The following CFAP57 variants were observed in gnomAD, a reference collection of about 807,000 sequenced individuals.
The protein encoded by CFAP57 is cilia and flagella associated protein 57.
CFAP57 carries 116 observed loss-of-function variants against 146.8 expected under a neutral mutation model. That is an observed-to-expected ratio of 0.79 (90% CI 0.68 to 0.92). The LOEUF (loss-of-function observed/expected upper bound fraction) is 0.92, where lower values mean the gene tolerates loss of function less well. Among genes scored for constraint, CFAP57 ranks in the 40% least tolerant of loss-of-function variants. CFAP57 has a pLI of 0.00. For missense variants in CFAP57, 1,377 were observed against 1,527.2 expected (o/e 0.90, Z 1.64); for synonymous variants, 518 against 552.8 (o/e 0.94, Z 0.88).
chr1:43,212,233 C>G (rs1371440097), intron 11 of CFAP57, among the ~76,000 whole-genome samples: 2 of 152,212 alleles, frequency 1.3e-5, no homozygotes, highest in Non-Finnish European at 2.9e-5. Flanking sequence ...TACAATCACA[C>G]TATAGAACCG....
At chr1:43,216,227 G>A (rs1644827174) in intron 12 of CFAP57, among the ~76,000 whole-genome samples, 1 of 152,196 alleles carries the variant, frequency 6.6e-6, no homozygotes, top group Non-Finnish European at 1.5e-5. Flanking sequence ...TGGGCCCTGT[G>A]ACATGACCAG....
chr1:43,221,710 TA>T (rs370115846), intron 14 of CFAP57, among the ~76,000 whole-genome samples: 10 of 152,324 alleles, frequency 6.6e-5, no homozygotes, highest in African/African-American at 2.4e-4. Flanking sequence ...TGGAACCTGA[TA>T]GTCTTGCCTT....
intron 22 of CFAP57, among the ~76,000 whole-genome samples, chr1:43,248,673 T>C (rs969423204): frequency 5.3e-5 from 8 of 152,130 alleles, no homozygotes; most frequent in Non-Finnish European, 7.3e-5. Flanking sequence ...ACTTCTAAAT[T>C]AGACAAAATT....
At position 43,183,792 on chromosome 1, in the gene CFAP57, G is replaced by A; in HGVS notation, c.676G>A (p.Gly226Arg). Residue 226 changes from glycine to arginine, a missense_variant, in exon 4 of 23, where the codon GGA becomes AGA. Transcript: ENST00000372492. ...DTGKLFLFES[G>R]DQRWETSIMV... ...AGGCAAACTCTTCCTCTTTGAATCT[G>A]GAGATCAGCGTTGGGAGACCAGCAT... 1 of 1,614,206 alleles carries A rather than the reference G, an allele frequency of 6.2e-7. No individual in the cohort carries two copies. The highest frequency in any genetic ancestry group is 8.5e-7 in the Non-Finnish European group (1 of 1,180,028).
intron 18 of CFAP57, among the ~76,000 whole-genome samples, chr1:43,227,741 G>A (rs897226193): frequency 2.6e-5 from 4 of 151,964 alleles, no homozygotes; most frequent in Admixed American, 1.3e-4. Flanking sequence ...TCCCTGCAAC[G>A]TGTGTTGCCC....
chr1:43,190,094 A>G (rs982741152), intron 6 of CFAP57, among the ~76,000 whole-genome samples: 2 of 152,170 alleles, frequency 1.3e-5, no homozygotes, highest in Non-Finnish European at 2.9e-5. Flanking sequence ...ATATAAGATC[A>G]TGACATCTGC....
rs544704345 is a variant in CFAP57 at position 43,192,585 on chromosome 1, T to C, written c.1123-4968T>C. Among the ~76,000 whole-genome samples, 40 of 150,810 alleles carry C rather than the reference T, an allele frequency of 2.7e-4. No homozygotes were observed. In the East Asian group the frequency reaches 5.9e-3, roughly 22 times the overall value. On this transcript the variant is annotated intron_variant, in intron 6 of 22. Coordinates refer to ENST00000372492, the MANE Select transcript of CFAP57 (RefSeq NM_001378189.1). ...TTGTGGTGAGCCAAGATTGTGCCAT[T>C]GCACTCCAGCCTGGGCAATAAGAGT... is the stretch of plus-strand genomic sequence containing the variant.
intron 19 of CFAP57, 63 bp downstream of exon 19, chr1:43,232,687 C>A (rs1645522259): frequency 5.6e-6 from 7 of 1,254,184 alleles, no homozygotes; most frequent in Admixed American, 2.5e-5. Context: ...CTGCAATGGG[C>A]AGCTGGCTTC....
chr1:43,244,195 T>C (rs558031402), intron 22 of CFAP57, among the ~76,000 whole-genome samples: 104 of 152,352 alleles, frequency 6.8e-4, no homozygotes, highest in African/African-American at 2.3e-3. Flanking sequence ...GGCATCTCTA[T>C]GGCAAATTAA....
rs997044692 is a variant in CFAP57 at position 43,176,885 on chromosome 1, G to A, written c.157+3975G>A. ...ATGTGGGAGGGCAGGGGGAGTAGCCGAGAGACTAGCAAAGGCTCAGAGTTA... is the reference window on the plus strand; with the variant it reads ...ATGTGGGAGGGCAGGGGGAGTAGCCAAGAGACTAGCAAAGGCTCAGAGTTA... On this transcript the variant is annotated intron_variant, in intron 2 of 22. Coordinates refer to ENST00000372492, the MANE Select transcript of CFAP57 (RefSeq NM_001378189.1). 6.6e-5 allele frequency among the ~76,000 whole-genome samples: 10 copies of A among 152,214 alleles called. No individual in the cohort carries two copies. The East Asian group carries it at 1.4e-3, about 21-fold the overall frequency.
At chr1:43,212,344 A>G (rs1044248319) in intron 11 of CFAP57, among the ~76,000 whole-genome samples, 7 of 152,092 alleles carry the variant, frequency 4.6e-5, no homozygotes, top group Admixed American at 2.6e-4. Flanking sequence ...TCTTATTTCC[A>G]TAACTTTTGT....
chr1:43,219,308 C>A, intron 12 of CFAP57, 74 bp from the exon 13 acceptor site: 1 of 1,460,024 alleles, frequency 6.8e-7, no homozygotes, highest in Non-Finnish European at 9.1e-7. Context: ...GGTCTCAGGT[C>A]AAGGCCGCAG....
chr1:43,230,419 C>T (rs756899177), intron 18 of CFAP57, among the ~76,000 whole-genome samples: 1 of 152,164 alleles, frequency 6.6e-6, no homozygotes, highest in Non-Finnish European at 1.5e-5. Context: ...TACATCATTC[C>T]ACTCCTGGTC....
At position 43,181,593 on chromosome 1, in the gene CFAP57, G is replaced by A. The variant is rs568218690; in HGVS notation, c.217G>A (p.Ala73Thr). The A allele has an allele frequency of 6.2e-6, 10 of 1,614,122 alleles. No individual in the cohort carries two copies. The highest frequency in any genetic ancestry group is 3.3e-5 in the South Asian group (3 of 91,086). The change falls in exon 3 of 23, where the codon GCT (alanine) becomes ACT (threonine). Residue 73 changes from alanine (A) to threonine (T), a missense_variant. Transcript: ENST00000372492. Reference protein sequence around the residue: ...LSISPNRRYLAISETVQEKPA... With the variant: ...LSISPNRRYLTISETVQEKPA... ...CATCAGTCCCAATCGGCGGTACCTC[G>A]CTATCTCTGAGACTGTGCAAGAAAA...
In CFAP57 at chr1:43,243,341, C is replaced by A. The variant is rs979996668; in HGVS notation, c.3520C>A (p.Gln1174Lys). 1 of 1,536,778 alleles carries A rather than the reference C, an allele frequency of 6.5e-7. No homozygotes were observed. The highest frequency in any genetic ancestry group is 1.4e-5 in the African/African-American group (1 of 72,522). ...GAAACTGACCAAGAAAGTCCGACCA[C>A]AAGAAGTTTCAGAGACAGGTAATAT... The part of the protein sequence containing the change: ...ALKLTKKVRP[Q>K]EVSETEPSRD... The change falls in exon 22 of 23, where the codon CAA becomes AAA. Residue 1174 changes from glutamine to lysine, a missense_variant. By Grantham distance (53) the Gln-to-Lys change is moderately conservative. Transcript: ENST00000372492.
chr1:43,182,509 A>G (rs766081761), intron 3 of CFAP57, among the ~76,000 whole-genome samples: 19 of 152,230 alleles, frequency 1.2e-4, no homozygotes, highest in Non-Finnish European at 2.4e-4. Context: ...CATAGACTCA[A>G]TTATTCAACT....
At chr1:43,250,819 A>G (rs1239251335) in intron 22 of CFAP57, among the ~76,000 whole-genome samples, 1 of 152,130 alleles carries the variant, frequency 6.6e-6, no homozygotes, top group East Asian at 1.9e-4. Flanking sequence ...ACAATTACAA[A>G]CAAGTCCTCA....
intron 21 of CFAP57, among the ~76,000 whole-genome samples, chr1:43,240,581 C>T (rs1307453567): frequency 1.3e-5 from 2 of 152,250 alleles, no homozygotes; most frequent in African/African-American, 4.8e-5. Flanking sequence ...TTCAGAAACA[C>T]AAGTACAAAT....
chr1:43,181,369 G>A (rs1645399869), intron 2 of CFAP57, among the ~76,000 whole-genome samples, 165 bp from the exon 3 acceptor site: 2 of 152,152 alleles, frequency 1.3e-5, no homozygotes, highest in Admixed American at 1.3e-4. Flanking sequence ...ACCACACCTG[G>A]CCCCTAGTCA....
Sources: allele counts gnomAD v4.1 joint callset (sites outside exome capture counted in the v4.1 genomes callset), GRCh38; gene constraint gnomAD v4.1.1; transcripts MANE v1.5; gene names NCBI Gene and HGNC (gene_info 2026-07-23, HGNC 2026-07-21).